ZNF518B: variants seen among roughly 807,000 people sequenced by gnomAD.
ZNF518B encodes the protein zinc finger protein 518B.
ZNF518B carries 23 observed loss-of-function variants against 56.3 expected under a neutral mutation model. The observed-to-expected ratio is 0.41, with a 90% CI of 0.29 to 0.58. The LOEUF is 0.58. Ranked by LOEUF, ZNF518B falls within the 20% of genes least tolerant of loss-of-function variation. ZNF518B has a pLI of 0.32. For synonymous variants in ZNF518B, 529 were observed against 465.9 expected (o/e 1.14, Z -1.74); for missense variants, 1,460 against 1,272.1 (o/e 1.15, Z -2.25).
intron 1 of ZNF518B, among the ~76,000 whole-genome samples, chr4:10,456,190 T>C (rs192898025): frequency 2.0e-5 from 3 of 152,140 alleles, no homozygotes; most frequent in African/African-American, 7.2e-5. Flanking sequence ...TAATGCTCTG[T>C]AGTTTTTTTT....
chr4:10,459,594 A>T (rs968527711), upstream of ZNF518B, among the ~76,000 whole-genome samples: 4 of 152,108 alleles, frequency 2.6e-5, no homozygotes, highest in Non-Finnish European at 4.4e-5. Flanking sequence ...GTGGGCCCTT[A>T]TCCAATGTGA....
intron 2 of ZNF518B, among the ~76,000 whole-genome samples, chr4:10,449,175 G>A (rs539522227): frequency 7.9e-5 from 12 of 152,318 alleles, no homozygotes; most frequent in African/African-American, 1.9e-4. Flanking sequence ...GGTGATAAGG[G>A]GGATCTGGTC....
At position 10,443,689 on chromosome 4, in the gene ZNF518B, A is replaced by T. The variant is rs1714797164; in HGVS notation, c.2640T>A (p.Leu880=). The T allele has an allele frequency of 6.2e-7, 1 of 1,614,096 alleles. No homozygotes were observed. Among genetic ancestry groups the T allele is most frequent in the African/African-American group, 1.3e-5 (1 of 75,022 alleles). ...SSELNKQGRL[L]SRSLSISRNK... ...TTCTACTTATAGAAAGACTTCTGGA[A>T]AGCAGTCTCCCTTGCTTATTTAATT... The change falls in exon 3 of 3, where the codon CTT becomes CTA. Residue 880 remains leucine (L), a synonymous_variant. Coordinates refer to ENST00000326756, the MANE Select transcript of ZNF518B (RefSeq NM_053042.3).
Position 10,441,277 on chromosome 4 carries a change from TAC to T in ZNF518B, c.*1825_*1826del, listed in dbSNP as rs1714664331. 1 of 152,570 alleles carries T rather than the reference TAC, an allele frequency of 6.6e-6. No individual in the cohort carries two copies. Among genetic ancestry groups the T allele is most frequent in the Admixed American group, 6.5e-5 (1 of 15,280 alleles). The allele number at this position is 152,570 out of a possible 1,614,324, so 9.5% of individuals were successfully genotyped here. ...TAAAAAATATTTTTATGTGTACACATACACATATATAAAAATGCAAGTTTTAA... is the reference window on the plus strand; with the variant it reads ...TAAAAAATATTTTTATGTGTACACATACATATATAAAAATGCAAGTTTTAA... On this transcript the variant is annotated 3_prime_UTR_variant, in exon 3 of 3. Coordinates refer to ENST00000326756, the MANE Select transcript of ZNF518B (RefSeq NM_053042.3).
At position 10,454,797 on chromosome 4, in the gene ZNF518B, G is replaced by A. The variant is rs984349236; in HGVS notation, c.-212+8C>T. Reference sequence around the variant, plus strand: ...CAGTATCTGCTGCCACTTGAGCACTGTTCTTACTTCCTGCCTGTAGCCTTG... The same window carrying A: ...CAGTATCTGCTGCCACTTGAGCACTATTCTTACTTCCTGCCTGTAGCCTTG... On this transcript the variant is annotated splice_region_variant and intron_variant, in intron 2 of 2. Coordinates refer to ENST00000326756, the MANE Select transcript of ZNF518B (RefSeq NM_053042.3). The A allele has an allele frequency of 3.9e-5, 6 of 152,236 alleles. No homozygotes were observed. Among genetic ancestry groups the A allele is most frequent in the Non-Finnish European group, 8.8e-5 (6 of 68,054 alleles). The allele number at this position is 152,236 out of a possible 1,614,324, so 9.4% of individuals were successfully genotyped here.
Position 10,444,546 on chromosome 4 carries a change from T to A in ZNF518B, c.1783A>T (p.Ser595Cys). 1 of 1,614,116 alleles carries A rather than the reference T, an allele frequency of 6.2e-7. No homozygotes were observed. Among genetic ancestry groups the A allele is most frequent in the African/African-American group, 1.3e-5 (1 of 75,056 alleles). Residue 595 changes from serine (S) to cysteine (C), a missense_variant, in exon 3 of 3, where the codon AGT (serine) becomes TGT (cysteine). Transcript: ENST00000326756. ...GTTATGTTTATATGTAAATACTCAC[T>A]CTTATGTTGAGAGGAAATCTGGCCT... Reference protein sequence around the residue: ...TVGQISSQHKSEYLHINITGE... With the variant: ...TVGQISSQHKCEYLHINITGE...
chr4:10,449,190 G>A (rs1338131551), intron 2 of ZNF518B, among the ~76,000 whole-genome samples: 2 of 152,140 alleles, frequency 1.3e-5, no homozygotes, highest in African/African-American at 2.4e-5. Flanking sequence ...CTGGTCCAGC[G>A]TTCTCAACTT....
upstream of ZNF518B, among the ~76,000 whole-genome samples, chr4:10,458,939 A>G (rs750035671): frequency 2.0e-5 from 3 of 152,186 alleles, no homozygotes; most frequent in Non-Finnish European, 4.4e-5. Flanking sequence ...TCTCCTTATA[A>G]CTTCTACTCA....
Position 10,443,147 on chromosome 4 carries a change from T to G in ZNF518B, c.3182A>C (p.Glu1061Ala). 6.2e-7 allele frequency: 1 copy of G among 1,614,080 alleles called. No individual in the cohort carries two copies. The highest frequency in any genetic ancestry group is 8.5e-7 in the Non-Finnish European group (1 of 1,179,998). Residue 1061 changes from glutamate to alanine, a missense_variant, in exon 3 of 3, where the codon GAA becomes GCA. Coordinates refer to ENST00000326756, the MANE Select transcript of ZNF518B (RefSeq NM_053042.3). ...AAGAACATCCCAATCTCTAGTTGCTTCTATCAAATGCCGTTGGCCATGACT... is the reference window on the plus strand; with the variant it reads ...AAGAACATCCCAATCTCTAGTTGCTGCTATCAAATGCCGTTGGCCATGACT... ...WMSHGQRHLI[E>A]ATRDWDVLSS...
Position 10,441,418 on chromosome 4 carries a change from G to A in ZNF518B, c.*1686C>T, listed in dbSNP as rs886864692. 1 of 137,758 alleles carries A rather than the reference G, an allele frequency of 7.3e-6. No individual in the cohort carries two copies. Among genetic ancestry groups the A allele is most frequent in the African/African-American group, 2.8e-5 (1 of 36,338 alleles). 8.5% of individuals were successfully genotyped at this position (137,758 alleles called of 1,614,324 possible). On this transcript the variant is annotated 3_prime_UTR_variant, in exon 3 of 3. Coordinates refer to ENST00000326756, the MANE Select transcript of ZNF518B (RefSeq NM_053042.3). Reference sequence around the variant, plus strand: ...CAAAGGATTGCAATTCCATCTACTGGAATCTAAGACTTTCCCATGTGAAAA... The same window carrying A: ...CAAAGGATTGCAATTCCATCTACTGAAATCTAAGACTTTCCCATGTGAAAA...
upstream of ZNF518B, among the ~76,000 whole-genome samples, chr4:10,459,761 G>T (rs1488525516): frequency 6.6e-6 from 1 of 152,172 alleles, no homozygotes; most frequent in African/African-American, 2.4e-5. Flanking sequence ...TTGGAAGATG[G>T]AAAAGGCAGG....
upstream of ZNF518B, among the ~76,000 whole-genome samples, chr4:10,457,895 G>A (rs375633264): frequency 1.3e-4 from 20 of 152,316 alleles, no homozygotes; most frequent in East Asian, 3.5e-3. Context: ...TTACATCTTA[G>A]CTGCTGGACC....
At position 10,441,771 on chromosome 4, in the gene ZNF518B, G is replaced by A. The variant is rs1450291530; in HGVS notation, c.*1333C>T. ...AAAGAACACAAATGTGTAGATAAATGACAGTCCTGACATCTGTTGGTAGAG... is the reference window on the plus strand; with the variant it reads ...AAAGAACACAAATGTGTAGATAAATAACAGTCCTGACATCTGTTGGTAGAG... On this transcript the variant is annotated 3_prime_UTR_variant, in exon 3 of 3. Coordinates refer to ENST00000326756, the MANE Select transcript of ZNF518B (RefSeq NM_053042.3). 1 of 152,270 alleles carries A rather than the reference G, an allele frequency of 6.6e-6. No homozygotes were observed. Among genetic ancestry groups the A allele is most frequent in the East Asian group, 1.9e-4 (1 of 5,198 alleles). 9.4% of individuals were successfully genotyped at this position (152,270 alleles called of 1,614,324 possible).
In ZNF518B at chr4:10,445,620, T is replaced by C. The variant is rs1231029859; in HGVS notation, c.709A>G (p.Lys237Glu). 1.2e-6 allele frequency: 2 copies of C among 1,614,178 alleles called. No individual in the cohort carries two copies. The highest frequency in any genetic ancestry group is 1.7e-6 in the Non-Finnish European group (2 of 1,180,036). The change falls in exon 3 of 3, where the codon AAA becomes GAA. Residue 237 changes from lysine to glutamate, a missense_variant. By Grantham distance (56) the Lys-to-Glu change is moderately conservative. Coordinates refer to ENST00000326756, the MANE Select transcript of ZNF518B (RefSeq NM_053042.3). ...KLEPKRTGTS[K>E]QNPELLKASN... is the part of the protein sequence containing the mutation. Reference sequence around the variant, plus strand: ...GCTTTTAGAAGCTCTGGGTTTTGTTTTGAAGTTCCGGTTCTTTTTGGCTCC... The same window carrying C: ...GCTTTTAGAAGCTCTGGGTTTTGTTCTGAAGTTCCGGTTCTTTTTGGCTCC...
chr4:10,449,164 T>A (rs2108991904), intron 2 of ZNF518B, among the ~76,000 whole-genome samples: 1 of 152,152 alleles, frequency 6.6e-6, no homozygotes, highest in East Asian at 1.9e-4. Flanking sequence ...GGCTTAAGAC[T>A]GGTGATAAGG....
chr4:10,443,574 C>G lies in ZNF518B; in HGVS notation c.2755G>C (p.Val919Leu). 1 of 1,614,150 alleles carries G rather than the reference C, an allele frequency of 6.2e-7. No individual in the cohort carries two copies. The highest frequency in any genetic ancestry group is 2.2e-5 in the East Asian group (1 of 44,888). ...RCLKDPSIFQ[V>L]ARQLRLIAAK... ...GCTATCAGTCTTAGTTGCCTTGCAA[C>G]CTGAAAAATTGAAGGATCCTTGAGA... is the stretch of plus-strand genomic sequence containing the variant. The change falls in exon 3 of 3, where the codon GTT (valine) becomes CTT (leucine). Residue 919 changes from valine (V) to leucine (L), a missense_variant. By Grantham distance (32) the Val-to-Leu change is conservative (BLOSUM62 1). Transcript: ENST00000326756.
At position 10,445,561 on chromosome 4, in the gene ZNF518B, C is replaced by A. The variant is rs1471481159; in HGVS notation, c.768G>T (p.Trp256Cys). ...GAGAGAAACCTGACAGTTGGTCTGA[C>A]CACTTATTTTGAAATGTAGTCCGTG... is the stretch of plus-strand genomic sequence containing the variant. ...SNPRTTFQNK[W>C]SDQLSGFSLH... Residue 256 changes from tryptophan to cysteine, a missense_variant, in exon 3 of 3, where the codon TGG (tryptophan) becomes TGT (cysteine). By Grantham distance (215) the Trp-to-Cys change is radical. Transcript: ENST00000326756. The A allele has an allele frequency of 1.2e-6, 2 of 1,614,046 alleles. No homozygotes were observed. Among genetic ancestry groups the A allele is most frequent in the Non-Finnish European group, 1.7e-6 (2 of 1,180,046 alleles).
upstream of ZNF518B, among the ~76,000 whole-genome samples, chr4:10,460,325 C>CAAAAAAAAAAAAAAAAA (rs1043723933): frequency 2.6e-3 from 151 of 57,598 alleles, 45 homozygotes; most frequent in East Asian, 8.3e-3. Context: ...AAAAAAAAAC[C>CAAAAAAAAAAAAAAAAA]AAAAAAAAAA....
rs1714751476 is a variant in ZNF518B at position 10,443,023 on chromosome 4, TTTC to T, written c.*78_*80del. The T allele has an allele frequency of 8.0e-7, 1 of 1,254,794 alleles. No individual in the cohort carries two copies. The highest frequency in any genetic ancestry group is 1.5e-5 in the South Asian group (1 of 67,716). 77.7% of individuals were successfully genotyped at this position (1,254,794 alleles called of 1,614,324 possible). A position where few individuals can be genotyped will look rare whatever the true frequency, so the allele number is the denominator to read the frequency against. On this transcript the variant is annotated 3_prime_UTR_variant, in exon 3 of 3. Transcript: ENST00000326756. The stretch of plus-strand genomic sequence containing the variant: ...AGTCCTCTCATTTCTACAGTCTGTA[TTTC>T]TTCTACTGAATCTTGGTGGAGGGAC...
Sources: allele counts gnomAD v4.1 joint callset (sites outside exome capture counted in the v4.1 genomes callset), GRCh38; gene constraint gnomAD v4.1.1; transcripts MANE v1.5; gene names NCBI Gene and HGNC (gene_info 2026-07-23, HGNC 2026-07-21).